NBEAL1: variants seen among roughly 807,000 people sequenced by gnomAD.
NBEAL1 encodes the protein neurobeachin like 1, also known as neurobeachin-like protein 1.
Under a neutral mutation model 351.3 loss-of-function variants are expected in NBEAL1, and 273 were observed. The observed-to-expected ratio is 0.78, with a 90% confidence interval of 0.70 to 0.86. The LOEUF (loss-of-function observed/expected upper bound fraction) is 0.86. Among genes scored for constraint, NBEAL1 ranks in the 40% least tolerant of loss-of-function variants. NBEAL1 has a pLI of 0.00. For synonymous variants in NBEAL1, 1,050 were observed against 1,086.4 expected, an observed-to-expected ratio of 0.97 and a Z score of 0.66; for missense variants, 2,961 against 3,201.3, an observed-to-expected ratio of 0.92 and a Z score of 1.81.
At chr2:203,055,139 C>T (rs1194035664) in intron 4 of NBEAL1, among the ~76,000 whole-genome samples, 2 of 152,132 alleles carry the variant, frequency 1.3e-5, no homozygotes, top group Non-Finnish European at 2.9e-5. Context: ...TGCCTTTAAA[C>T]AGATTTTTAA....
intron 6 of NBEAL1, among the ~76,000 whole-genome samples, chr2:203,065,275 T>A (rs990917085): frequency 6.6e-5 from 10 of 151,914 alleles, no homozygotes; most frequent in South Asian, 2.1e-4. Context: ...AAAAAAAAAA[T>A]TTGGGATAAA....
In NBEAL1 at chr2:203,033,149, C is replaced by T. The variant is rs183078000; in HGVS notation, c.52-8616C>T. 3.9e-4 allele frequency among the ~76,000 whole-genome samples: 59 copies of T among 152,038 alleles called. No homozygotes were observed. In the South Asian group the frequency reaches 6.0e-3, roughly 16 times the overall value. On this transcript the variant is annotated intron_variant, in intron 2 of 55. Coordinates refer to ENST00000683969, the MANE Select transcript of NBEAL1 (RefSeq NM_001378026.1). ...CCGAGTAGCTGGGACTACAGGTGCC[C>T]GCCACCACGCATGGCTAATTTTTTG...
intron 8 of NBEAL1, among the ~76,000 whole-genome samples, chr2:203,078,429 C>T (rs910078022): frequency 1.1e-4 from 17 of 152,120 alleles, no homozygotes; most frequent in African/African-American, 3.9e-4. Flanking sequence ...CAACCTCTGC[C>T]TCCCAGGTTC....
chr2:203,126,622 AT>A lies in NBEAL1; in HGVS notation c.3053del (p.Leu1018Ter). 6.5e-7 allele frequency: 1 copy of A among 1,528,668 alleles called. No individual in the cohort carries two copies. Among genetic ancestry groups the A allele is most frequent in the Non-Finnish European group, 8.8e-7 (1 of 1,138,112 alleles). 94.7% of individuals were successfully genotyped at this position (1,528,668 alleles called of 1,614,324 possible). A position where few individuals can be genotyped will look rare whatever the true frequency, so the allele number is the denominator to read the frequency against. On this transcript the variant is annotated frameshift_variant, in exon 22 of 56. Transcript: ENST00000683969. LOFTEE classifies it high-confidence loss of function. ...TTCAGTTACTAATTGAACAAGTATC[AT>A]TAGAGAAAAATATGCAGCTCCTGCA... ...AVQLLIEQVSLEKNMQLLQQM... is the reference protein window; with the variant it reads ...AVQLLIEQVSXEKNMQLLQQM...
At position 203,188,590 on chromosome 2, in the gene NBEAL1, G is replaced by T. The variant is rs767770353; in HGVS notation, c.6823+1G>T. ...GTTTTCTATTATTGTAGTTATGAAG[G>T]TATAAATCTATACACTTTTTCTCTT... On this transcript the variant is annotated splice_donor_variant, in intron 45 of 55. Coordinates refer to ENST00000683969, the MANE Select transcript of NBEAL1 (RefSeq NM_001378026.1). LOFTEE classifies it high-confidence loss of function. 6.5e-6 allele frequency: 10 copies of T among 1,533,334 alleles called. No homozygotes were observed. The highest frequency in any genetic ancestry group is 1.2e-5 in the South Asian group (1 of 84,332). The allele number at this position is 1,533,334 out of a possible 1,614,324, so 95.0% of individuals were successfully genotyped here. A position where few individuals can be genotyped will look rare whatever the true frequency, so the allele number is the denominator to read the frequency against.
chr2:203,214,388 C>T (rs906514939), intron 55 of NBEAL1, among the ~76,000 whole-genome samples: 8 of 151,918 alleles, frequency 5.3e-5, no homozygotes, highest in East Asian at 1.9e-4. Flanking sequence ...TGTTAAAGAT[C>T]GTAAAAACCT....
rs557628000 is a variant in NBEAL1, at chr2:203,107,783, A to T, written c.1544A>T (p.Asn515Ile). 1 of 1,554,526 alleles carries T rather than the reference A, an allele frequency of 6.4e-7. No individual in the cohort carries two copies. Among genetic ancestry groups the T allele is most frequent in the Non-Finnish European group, 8.7e-7 (1 of 1,147,816 alleles). ...INRQSRTTCV[N>I]ANMGIRIIET... The stretch of plus-strand genomic sequence containing the variant: ...AGACAGAGTCGAACTACTTGTGTCA[A>T]TGCAAACATGGGGATTAGAATCATT... Residue 515 changes from asparagine (N) to isoleucine (I), a missense_variant, in exon 14 of 56, where the codon AAT becomes ATT. Physicochemically the swap from Asn to Ile is moderately radical, Grantham distance 149 (BLOSUM62 -3). Coordinates refer to ENST00000683969, the MANE Select transcript of NBEAL1 (RefSeq NM_001378026.1).
At chr2:203,108,257 G>A in intron 14 of NBEAL1, 69 bp downstream of exon 14, 2 of 1,219,070 alleles carry the variant, frequency 1.6e-6, no homozygotes, top group South Asian at 1.6e-5. Context: ...TCTTAAACAG[G>A]AAAACTGTTT....
intron 2 of NBEAL1, among the ~76,000 whole-genome samples, 155 bp downstream of exon 2, chr2:203,016,590 C>G (rs1294150610): frequency 6.6e-6 from 1 of 152,132 alleles, no homozygotes; most frequent in Non-Finnish European, 1.5e-5. Flanking sequence ...CTGTTTTCCT[C>G]TTTTTCAGGT....
chr2:203,110,048 T>C, intron 14 of NBEAL1, 102 bp from the exon 15 acceptor site: 1 of 1,120,908 alleles, frequency 8.9e-7, no homozygotes, highest in Non-Finnish European at 1.2e-6. Context: ...CACAGAATTG[T>C]GGGTAAAGAT....
Position 203,208,695 on chromosome 2 carries a change from A to G in NBEAL1, c.7565A>G (p.Asn2522Ser), listed in dbSNP as rs755326591. ...TTTCAGATTCTTTATGGACACACCA[A>G]CGAGGTACTGAGTGTCGGCATCAGC... Reference protein sequence around the residue: ...KPFQILYGHTNEVLSVGISTE... With the variant: ...KPFQILYGHTSEVLSVGISTE... Residue 2522 changes from asparagine (N) to serine (S), a missense_variant, in exon 52 of 56, where the codon AAC becomes AGC. Asn to Ser is a conservative substitution (Grantham distance 46). Coordinates refer to ENST00000683969, the MANE Select transcript of NBEAL1 (RefSeq NM_001378026.1). 42 of 1,612,868 alleles carry G rather than the reference A, an allele frequency of 2.6e-5. No homozygotes were observed. In the South Asian group the frequency reaches 4.4e-4, roughly 17 times the overall value.
intron 48 of NBEAL1, among the ~76,000 whole-genome samples, chr2:203,198,788 G>C (rs935623549): frequency 5.3e-5 from 8 of 151,340 alleles, no homozygotes; most frequent in African/African-American, 1.9e-4. Context: ...GCTTGCGCCC[G>C]GGAGGTTGTA....
chr2:203,112,391 A>G (rs1353836562), intron 16 of NBEAL1, among the ~76,000 whole-genome samples: 1 of 152,270 alleles, frequency 6.6e-6, no homozygotes, highest in Non-Finnish European at 1.5e-5. Flanking sequence ...CTATCGTTTA[A>G]TAAAAGCTCT....
At chr2:203,172,980 T>C in intron 41 of NBEAL1, 127 bp downstream of exon 41, 1 of 622,772 alleles carries the variant, frequency 1.6e-6, no homozygotes, top group Admixed American at 3.6e-5. Context: ...CAGAGTCTGA[T>C]AATTACTTCA....
intron 35 of NBEAL1, among the ~76,000 whole-genome samples, chr2:203,156,707 G>A (rs924826802): frequency 2.0e-5 from 3 of 152,118 alleles, no homozygotes; most frequent in African/African-American, 4.8e-5. Flanking sequence ...TCTGAGCAAC[G>A]GTATCATTTG....
intron 12 of NBEAL1, 61 bp downstream of exon 12, chr2:203,099,773 A>T (rs1400926734): frequency 8.8e-7 from 1 of 1,134,296 alleles, no homozygotes. Context: ...GTTCAGGGGT[A>T]CATGTGCAGG....
Position 203,016,392 on chromosome 2 carries a change from C to T in NBEAL1, c.8C>T (p.Ser3Phe). 6.7e-7 allele frequency: 1 copy of T among 1,487,878 alleles called. No homozygotes were observed. The highest frequency in any genetic ancestry group is 9.1e-7 in the Non-Finnish European group (1 of 1,102,798). The allele number at this position is 1,487,878 out of a possible 1,614,324, so 92.2% of individuals were successfully genotyped here. A position where few individuals can be genotyped will look rare whatever the true frequency, so the allele number is the denominator to read the frequency against. Residue 3 changes from serine (S) to phenylalanine (F), a missense_variant, in exon 2 of 56, where the codon TCC becomes TTC. Physicochemically the swap from Ser to Phe is radical, Grantham distance 155. Coordinates refer to ENST00000683969, the MANE Select transcript of NBEAL1 (RefSeq NM_001378026.1). ...GCCAGAGTGAAAGCCAGAATGGCAT[C>T]CAGAGAGAGGCTCTTTGAACTTTGG... is the stretch of plus-strand genomic sequence containing the variant. The part of the protein sequence containing the change: MA[S>F]RERLFELWML...
intron 3 of NBEAL1, among the ~76,000 whole-genome samples, chr2:203,048,793 G>T (rs1369257225): frequency 1.3e-5 from 2 of 151,716 alleles, no homozygotes; most frequent in Non-Finnish European, 2.9e-5. Context: ...GAACCATATA[G>T]TCTTACATAG....
chr2:203,148,962 A>G, intron 33 of NBEAL1, 29 bp from the exon 34 acceptor site: 5 of 1,582,204 alleles, frequency 3.2e-6, no homozygotes, highest in Non-Finnish European at 3.4e-6. Context: ...ATATGAGTCA[A>G]TGACCTTACT....
Sources: gnomAD v4.1 joint callset for allele counts (sites outside exome capture counted in the v4.1 genomes callset) on GRCh38, gnomAD v4.1.1 for gene constraint, MANE v1.5 for transcripts, NCBI Gene and HGNC (gene_info 2026-07-23, HGNC 2026-07-21) for gene names.